TRMT11: variants seen among roughly 807,000 people sequenced by gnomAD.
TRMT11 encodes tRNA methyltransferase 11.
TRMT11 carries 53 observed loss-of-function variants against 62.8 expected under a neutral mutation model. That is an observed-to-expected ratio of 0.84 (90% CI 0.68 to 1.06). The LOEUF (loss-of-function observed/expected upper bound fraction) is 1.06. Ranked by LOEUF, TRMT11 falls within the 50% of genes least tolerant of loss-of-function variation. The pLI is 0.00. For missense variants in TRMT11, 556 were observed against 553.4 expected, an observed-to-expected ratio of 1.00 and a Z score of -0.05; for synonymous variants, 188 against 190.3, an observed-to-expected ratio of 0.99 and a Z score of 0.10.
chr6:126,024,069 A>G (rs1796202073), intron 12 of TRMT11, among the ~76,000 whole-genome samples: 1 of 152,254 alleles, frequency 6.6e-6, no homozygotes, highest in Non-Finnish European at 1.5e-5. Context: ...TATAGAAGCC[A>G]AAACTAGAAT....
At chr6:126,152,906 G>A (rs1490112832) in intron 21 of TRMT11, among the ~76,000 whole-genome samples, 1 of 152,178 alleles carries the variant, frequency 6.6e-6, no homozygotes, top group Non-Finnish European at 1.5e-5. Context: ...TTATGGGAGA[G>A]ACTGTAAATT....
Position 126,091,945 on chromosome 6 carries a change from C to T in TRMT11, c.*1438-20921C>T, listed in dbSNP as rs369175614. Among the ~76,000 whole-genome samples, 56 of 152,248 alleles carry T rather than the reference C, an allele frequency of 3.7e-4. 1 individual carries two copies. Among genetic ancestry groups the T allele is most frequent in the South Asian group, 2.3e-3 (11 of 4,822 alleles). ...CTTCCTAAAATGTTAATATATATCC[C>T]ATGTGTTTAAATGATTTAGGATTGA... On this transcript the variant is annotated intron_variant and NMD_transcript_variant, in intron 17 of 22. Transcript: ENST00000648977.
intron 17 of TRMT11, among the ~76,000 whole-genome samples, chr6:126,077,592 A>G (rs1319190537): frequency 6.6e-6 from 1 of 152,166 alleles, no homozygotes; most frequent in African/African-American, 2.4e-5. Context: ...CCTCCCAAAG[A>G]ACTGGGACTG....
rs373203404 is a variant in TRMT11 at position 126,099,754 on chromosome 6, AAAAC to A, written c.*1438-13100_*1438-13097del. 5.6e-3 allele frequency among the ~76,000 whole-genome samples: 858 copies of A among 152,356 alleles called. 3 individuals carry two copies. Among genetic ancestry groups the A allele is most frequent in the African/African-American group, 0.019 (807 of 41,586 alleles). On this transcript the variant is annotated intron_variant and NMD_transcript_variant, in intron 17 of 22. Coordinates refer to the TRMT11 transcript ENST00000648977. Reference sequence around the variant, plus strand: ...AGAGCAAGACTCTGTCTCAAAAAACAAAACAAACAAACAAAAAAGAAGTAGAATA... The same window carrying A: ...AGAGCAAGACTCTGTCTCAAAAAACAAAACAAACAAAAAAGAAGTAGAATA...
chr6:126,038,749 A>G lies in TRMT11; in HGVS notation c.1305A>G (p.Pro435=), dbSNP rs1353791780. 2 of 1,602,546 alleles carry G rather than the reference A, an allele frequency of 1.2e-6. No individual in the cohort carries two copies. Among genetic ancestry groups the G allele is most frequent in the South Asian group, 1.1e-5 (1 of 88,874 alleles). ...YSHLLSDHFL[P]YQGHNSFREK... ...ATCTGCTAAGTGATCATTTTCTGCC[A>G]TACCAAGGTCATAATTCCTTCCGTG... The change falls in exon 13 of 13, where the codon CCA becomes CCG. Residue 435 remains proline, a synonymous_variant. Coordinates refer to ENST00000334379, the MANE Select transcript of TRMT11 (RefSeq NM_001031712.3).
chr6:126,089,053 T>A (rs1239046017), intron 17 of TRMT11, among the ~76,000 whole-genome samples: 2 of 152,202 alleles, frequency 1.3e-5, no homozygotes, highest in Non-Finnish European at 2.9e-5. Flanking sequence ...TTTGTAATTT[T>A]AAAATTACTT....
downstream of TRMT11, among the ~76,000 whole-genome samples, chr6:126,205,427 C>A (rs1778780292): frequency 6.6e-6 from 1 of 152,122 alleles, no homozygotes; most frequent in African/African-American, 2.4e-5. Flanking sequence ...TTACTTGAAC[C>A]TGGGAGGTGG....
intron 21 of TRMT11, among the ~76,000 whole-genome samples, chr6:126,169,984 A>G (rs1004700282): frequency 6.6e-6 from 1 of 151,614 alleles, no homozygotes; most frequent in African/African-American, 2.4e-5. Context: ...CTTGCAATTT[A>G]TTTTATATAG....
chr6:125,994,328 G>A (rs1430511301), intron 2 of TRMT11, among the ~76,000 whole-genome samples: 1 of 148,712 alleles, frequency 6.7e-6, no homozygotes, highest in Admixed American at 6.6e-5. Context: ...TTTTTTTCGT[G>A]TACTTTTTTT....
downstream of TRMT11, among the ~76,000 whole-genome samples, chr6:126,208,706 A>C (rs1013362786): frequency 6.6e-6 from 1 of 152,242 alleles, no homozygotes; most frequent in East Asian, 1.9e-4. Flanking sequence ...TTCAATAGTC[A>C]TATATATTTA....
At chr6:126,111,632 C>T (rs557744717) in intron 17 of TRMT11, among the ~76,000 whole-genome samples, 4 of 152,140 alleles carry the variant, frequency 2.6e-5, no homozygotes, top group Admixed American at 2.6e-4. Flanking sequence ...AGGGTACTCA[C>T]GTATTATTTC....
At chr6:126,004,746 T>C (rs1415033900) in intron 7 of TRMT11, among the ~76,000 whole-genome samples, 1 of 152,102 alleles carries the variant, frequency 6.6e-6, no homozygotes, top group Non-Finnish European at 1.5e-5. Context: ...TGTATGTAGT[T>C]TCCCAAATGT....
At chr6:125,999,635 G>T in intron 7 of TRMT11, 22 bp downstream of exon 7, 1 of 1,594,470 alleles carries the variant, frequency 6.3e-7, no homozygotes, top group Non-Finnish European at 8.6e-7. Context: ...TAACTTTTAA[G>T]CTAGTGTAGA....
At chr6:126,139,174 A>G (rs996029390) in intron 21 of TRMT11, among the ~76,000 whole-genome samples, 1 of 151,936 alleles carries the variant, frequency 6.6e-6, no homozygotes, top group African/African-American at 2.4e-5. Flanking sequence ...TATTTTTTGC[A>G]TATTTTAAAT....
chr6:126,077,471 C>T (rs1777052929), intron 17 of TRMT11, among the ~76,000 whole-genome samples: 1 of 152,114 alleles, frequency 6.6e-6, no homozygotes. Context: ...ATAAGAGGCT[C>T]CAAGAGATCA....
At chr6:125,995,029 G>A (rs915739501) in intron 2 of TRMT11, among the ~76,000 whole-genome samples, 1 of 152,180 alleles carries the variant, frequency 6.6e-6, no homozygotes, top group East Asian at 1.9e-4. Flanking sequence ...GCTAATGGAT[G>A]CTGGGCTTAA....
the TRMT11 span, among the ~76,000 whole-genome samples, chr6:126,254,065 T>C: frequency 6.6e-6 from 1 of 152,192 alleles, no homozygotes; most frequent in Admixed American, 6.5e-5. Flanking sequence ...CAAAGCACCA[T>C]CCTTGGCCTC....
intron 21 of TRMT11, among the ~76,000 whole-genome samples, chr6:126,125,725 C>T (rs191377178): frequency 2.6e-5 from 4 of 152,122 alleles, no homozygotes; most frequent in African/African-American, 4.8e-5. Flanking sequence ...CACCTACCTC[C>T]GTTGTTCACT....
At chr6:126,084,591 G>A (rs930180781) in intron 17 of TRMT11, among the ~76,000 whole-genome samples, 10 of 152,004 alleles carry the variant, frequency 6.6e-5, no homozygotes, top group Non-Finnish European at 1.5e-4. Context: ...TATGTATTTT[G>A]CTTTGTGGCC....
Sources: allele counts gnomAD v4.1 joint callset (sites outside exome capture counted in the v4.1 genomes callset), GRCh38; gene constraint gnomAD v4.1.1; transcripts MANE v1.5; gene names NCBI Gene and HGNC (gene_info 2026-07-23, HGNC 2026-07-21).